The following DCK variants were observed in gnomAD, a reference collection of about 807,000 sequenced individuals.
DCK encodes the protein deoxyadenosine kinase.
Under a neutral mutation model 38.3 loss-of-function variants are expected in DCK, and 23 were observed. The ratio of observed to expected loss-of-function variants is 0.60; its 90% CI spans 0.43 to 0.85. The LOEUF (loss-of-function observed/expected upper bound fraction) is 0.85, where lower values mean the gene tolerates loss of function less well. Among genes scored for constraint, DCK ranks in the 40% least tolerant of loss-of-function variants. The probability of loss-of-function intolerance (pLI) is 0.00; values close to 1 mark genes in which losing one functional copy is unlikely to be tolerated. For missense variants in DCK, 259 were observed against 304.4 expected, an observed-to-expected ratio of 0.85 and a Z score of 1.11; for synonymous variants, 108 against 100.6, an observed-to-expected ratio of 1.07 and a Z score of -0.44.
At position 70,994,839 on chromosome 4, in the gene DCK, G is replaced by A. The variant is rs1192279288; in HGVS notation, c.91+913G>A. Among the ~76,000 whole-genome samples the A allele has an allele frequency of 4.6e-5, 7 of 152,194 alleles. No homozygotes were observed. In the East Asian group the frequency reaches 1.4e-3, roughly 29 times the overall value. On this transcript the variant is annotated intron_variant, in intron 1 of 6. Coordinates refer to ENST00000286648, the MANE Select transcript of DCK (RefSeq NM_000788.3). ...TAACGTTTCTGTTAACTCAGATGGG[G>A]GGCAGACTAGGCCATGCCTGTCACT...
intron 2 of DCK, among the ~76,000 whole-genome samples, chr4:71,015,594 T>G (rs1740240382): frequency 6.6e-6 from 1 of 152,200 alleles, no homozygotes; most frequent in South Asian, 2.1e-4. Flanking sequence ...CATGATCAAT[T>G]GTGCTTCATC....
rs181745362 is a variant in DCK at position 71,023,707 on chromosome 4, G to T, written c.549+1G>T. The T allele has an allele frequency of 6.3e-7, 1 of 1,599,200 alleles. No individual in the cohort carries two copies. Among genetic ancestry groups the T allele is most frequent in the Non-Finnish European group, 8.5e-7 (1 of 1,175,654 alleles). ...CATTTATCTTCAAGCCACTCCAGAG[G>T]TAAAACCCAATAAAAATGTGTTTCA... On this transcript the variant is annotated splice_donor_variant, in intron 4 of 6. Coordinates refer to ENST00000286648, the MANE Select transcript of DCK (RefSeq NM_000788.3). LOFTEE classifies it high-confidence loss of function.
At chr4:71,010,565 A>G (rs949301775) in intron 2 of DCK, among the ~76,000 whole-genome samples, 11 of 148,878 alleles carry the variant, frequency 7.4e-5, no homozygotes, top group Non-Finnish European at 1.6e-4. Context: ...TTAATTAAAA[A>G]AATTAAGATA....
intron 6 of DCK, 39 bp from the exon 7 acceptor site, chr4:71,029,313 C>T (rs1740629436): frequency 6.9e-7 from 1 of 1,439,098 alleles, no homozygotes; most frequent in Non-Finnish European, 9.6e-7. Context: ...TCAAATTAGT[C>T]AAGGAATTAT....
rs1274666356 is a variant in DCK, at chr4:71,030,115, T to C, written c.*737T>C. On this transcript the variant is annotated 3_prime_UTR_variant, in exon 7 of 7. Transcript: ENST00000286648. ...AAATTACTGATAAAAATGATATTGC[T>C]CTATATGTAATATATCCTGAAAGCA... 2 of 152,644 alleles carry C rather than the reference T, an allele frequency of 1.3e-5. No individual in the cohort carries two copies. Among genetic ancestry groups the C allele is most frequent in the African/African-American group, 4.8e-5 (2 of 41,460 alleles). The allele number at this position is 152,644 out of a possible 1,614,324, so 9.5% of individuals were successfully genotyped here. A position where few individuals can be genotyped will look rare whatever the true frequency, so the allele number is the denominator to read the frequency against.
chr4:71,011,866 A>G (rs1231078253), intron 2 of DCK, among the ~76,000 whole-genome samples: 3 of 152,092 alleles, frequency 2.0e-5, no homozygotes, highest in Admixed American at 1.3e-4. Context: ...TAAAGTGAAA[A>G]TGGACATATA....
intron 5 of DCK, 69 bp downstream of exon 5, chr4:71,026,000 A>T: frequency 6.9e-7 from 1 of 1,443,722 alleles, no homozygotes; most frequent in South Asian, 1.7e-5. Context: ...TTAATCTAAA[A>T]TTTGGAAGAT....
At chr4:71,015,505 C>T (rs975296151) in intron 2 of DCK, among the ~76,000 whole-genome samples, 3 of 152,136 alleles carry the variant, frequency 2.0e-5, no homozygotes, top group African/African-American at 7.2e-5. Context: ...GACCAATATC[C>T]CTGATGAACA....
chr4:71,014,249 G>C (rs1250518125), intron 2 of DCK, among the ~76,000 whole-genome samples: 1 of 152,108 alleles, frequency 6.6e-6, no homozygotes, highest in East Asian at 1.9e-4. Flanking sequence ...CCCAATACAG[G>C]AGCACCCAGA....
intron 6 of DCK, 61 bp downstream of exon 6, chr4:71,026,816 G>T: frequency 3.8e-6 from 3 of 790,702 alleles, no homozygotes; most frequent in Non-Finnish European, 4.2e-6. Flanking sequence ...ACTGAGTGGT[G>T]AGAAAACAAT....
chr4:71,016,487 G>A (rs1032279892), intron 2 of DCK, among the ~76,000 whole-genome samples: 1 of 152,264 alleles, frequency 6.6e-6, no homozygotes, highest in Non-Finnish European at 1.5e-5. Context: ...TAAATCCTAA[G>A]CCAAAAGAAC....
Position 70,994,030 on chromosome 4 carries a change from C to G in DCK, c.91+104C>G, listed in dbSNP as rs974674289. The G allele has an allele frequency of 4.7e-6, 4 of 852,122 alleles. No homozygotes were observed. The African/African-American group carries it at 5.1e-5, about 11-fold the overall frequency. The allele number at this position is 852,122 out of a possible 1,614,324, so 52.8% of individuals were successfully genotyped here. ...CTGCAGCAACTCGGTGAGGGCTTTC[C>G]CTCCAGCCTGGCGGTGTGGACGCGG... On this transcript the variant is annotated intron_variant, in intron 1 of 6. Coordinates refer to ENST00000286648, the MANE Select transcript of DCK (RefSeq NM_000788.3).
chr4:71,009,404 AT>A (rs939132005), intron 2 of DCK, among the ~76,000 whole-genome samples: 9 of 152,214 alleles, frequency 5.9e-5, no homozygotes. Context: ...GCCCAGAGGG[AT>A]TAGTTAAATC....
At chr4:71,028,846 C>T (rs12513202) in intron 6 of DCK, 148,398 of 275,412 alleles carry the variant, frequency 0.54, 43,820 homozygotes, top group East Asian at 0.76. Flanking sequence ...CAACCTCTGC[C>T]TCCCAGGTTC....
chr4:71,006,156 A>G (rs1739936473), intron 2 of DCK, among the ~76,000 whole-genome samples: 1 of 150,394 alleles, frequency 6.6e-6, no homozygotes, highest in Non-Finnish European at 1.5e-5. Context: ...AAAAAAGCAA[A>G]TAAGAAAAAG....
At chr4:71,000,153 A>C (rs1367093637) in intron 2 of DCK, among the ~76,000 whole-genome samples, 1 of 152,138 alleles carries the variant, frequency 6.6e-6, no homozygotes, top group Admixed American at 6.5e-5. Flanking sequence ...TTATGATTTT[A>C]GGTCTTATGT....
Position 70,993,922 on chromosome 4 carries a change from C to T in DCK, c.87C>T (p.Asn29=), listed in dbSNP as rs781411822. The T allele has an allele frequency of 6.2e-7, 1 of 1,611,416 alleles. No homozygotes were observed. ...TRIKKISIEG[N]IAAGKSTFVN... Reference sequence around the variant, plus strand: ...TCAAGAAAATCTCCATCGAAGGGAACATCGGTAAGGAGCCTCCGGAAATGT... The same window carrying T: ...TCAAGAAAATCTCCATCGAAGGGAATATCGGTAAGGAGCCTCCGGAAATGT... Residue 29 remains asparagine, a synonymous_variant, in exon 1 of 7, where the codon AAC becomes AAT. Transcript: ENST00000286648.
chr4:71,023,616 A>C lies in DCK; in HGVS notation c.459A>C (p.Thr153=), dbSNP rs757985137. 2.2e-5 allele frequency: 36 copies of C among 1,612,254 alleles called. No homozygotes were observed. The highest frequency in any genetic ancestry group is 3.1e-5 in the Non-Finnish European group (36 of 1,178,656). ...ESECMNETEW[T]IYQDWHDWMN... ...AATGCATGAATGAGACAGAGTGGAC[A>C]ATTTATCAAGACTGGCATGACTGGA... Residue 153 remains threonine, a synonymous_variant, in exon 4 of 7, where the codon ACA becomes ACC. Transcript: ENST00000286648.
intron 5 of DCK, 35 bp downstream of exon 5, chr4:71,025,966 T>C: frequency 6.8e-7 from 1 of 1,477,462 alleles, no homozygotes; most frequent in Non-Finnish European, 9.0e-7. Context: ...TCATTTTAAA[T>C]ACCTTTGTTA....
Sources: gnomAD v4.1 joint callset for allele counts (sites outside exome capture counted in the v4.1 genomes callset) on GRCh38, gnomAD v4.1.1 for gene constraint, MANE v1.5 for transcripts, NCBI Gene and HGNC (gene_info 2026-07-23, HGNC 2026-07-21) for gene names.